OSTF1: variants seen among roughly 807,000 people sequenced by gnomAD.
OSTF1 encodes osteoclast stimulating factor 1.
In OSTF1, 27 loss-of-function variants were observed where a neutral mutation model predicts 37.2. The observed-to-expected ratio is 0.73, with a 90% CI of 0.54 to 1.00. The LOEUF (loss-of-function observed/expected upper bound fraction) is 1.00, where lower values mean the gene tolerates loss of function less well. OSTF1 is among the 50% of genes least tolerant of loss of function. The pLI, the probability that OSTF1 is intolerant of heterozygous loss-of-function variation, is 0.00. For missense variants in OSTF1, 232 were observed against 253.8 expected, an observed-to-expected ratio of 0.91 and a Z score of 0.58; for synonymous variants, 82 against 89.2, an observed-to-expected ratio of 0.92 and a Z score of 0.46.
At chr9:75,094,617 T>TA (rs1215493290) in intron 1 of OSTF1, among the ~76,000 whole-genome samples, 5 of 151,930 alleles carry the variant, frequency 3.3e-5, no homozygotes, top group Non-Finnish European at 7.4e-5. Flanking sequence ...ACAGAACCCA[T>TA]TGCCAAAGTT....
intron 1 of OSTF1, 74 bp from the exon 2 acceptor site, chr9:75,117,430 A>G (rs1564160872): frequency 2.0e-6 from 2 of 977,942 alleles, no homozygotes; most frequent in East Asian, 2.4e-5. Flanking sequence ...ATTCTGAAGG[A>G]TATAATGGAT....
intron 3 of OSTF1, among the ~76,000 whole-genome samples, chr9:75,128,606 A>ATT (rs1554773675): frequency 1.0e-5 from 1 of 99,796 alleles, no homozygotes; most frequent in Non-Finnish European, 2.1e-5. Context: ...ATATATATAT[A>ATT]TTTTGTCCAT....
chr9:75,133,010 CA>C (rs367838784), intron 5 of OSTF1, among the ~76,000 whole-genome samples: 70 of 28,640 alleles, frequency 2.4e-3, no homozygotes, highest in African/African-American at 6.4e-3. Flanking sequence ...CACACACACA[CA>C]CCCCTATATA....
At position 75,139,190 on chromosome 9, in the gene OSTF1, G is replaced by A. The variant is rs1305571150; in HGVS notation, c.487+1574G>A. 2.0e-5 allele frequency among the ~76,000 whole-genome samples: 3 copies of A among 151,132 alleles called. No individual in the cohort carries two copies. The South Asian group carries it at 6.3e-4, about 32-fold the overall frequency. ...CCTGAATAGCTGAAATTACAAACGT[G>A]CACCACCACACATGGCTAATTTTTG... On this transcript the variant is annotated intron_variant, in intron 8 of 9. Transcript: ENST00000346234.
chr9:75,114,051 C>G (rs1477324215), intron 1 of OSTF1, among the ~76,000 whole-genome samples: 1 of 152,200 alleles, frequency 6.6e-6, no homozygotes, highest in East Asian at 1.9e-4. Flanking sequence ...GTTTTTGTCT[C>G]TCCATGCCTG....
chr9:75,102,096 G>T (rs745707224), intron 1 of OSTF1, among the ~76,000 whole-genome samples: 2 of 152,070 alleles, frequency 1.3e-5, no homozygotes, highest in Non-Finnish European at 2.9e-5. Context: ...CCCAAGTAGC[G>T]CACATTACTG....
rs749684710 is a variant in OSTF1, at chr9:75,140,895, T to G, written c.549T>G (p.Ala183=). 28 of 1,613,590 alleles carry G rather than the reference T, an allele frequency of 1.7e-5. No individual in the cohort carries two copies. Among genetic ancestry groups the G allele is most frequent in the Middle Eastern group, 1.6e-4 (1 of 6,078 alleles). Residue 183 remains alanine (A), a synonymous_variant, in exon 9 of 10, where the codon GCT becomes GCG. Coordinates refer to ENST00000346234, the MANE Select transcript of OSTF1 (RefSeq NM_012383.5). The part of the protein sequence containing the change: ...KKLAFDMATN[A]ACASLLKKKQ... ...TGGCCTTCGACATGGCTACCAATGC[T>G]GCCTGTGCATCTCTCCTGAAAAAGA...
At chr9:75,092,081 C>T (rs923474797) in intron 1 of OSTF1, among the ~76,000 whole-genome samples, 2 of 152,132 alleles carry the variant, frequency 1.3e-5, no homozygotes, top group Non-Finnish European at 2.9e-5. Context: ...ATTCAGTAGA[C>T]AATACTAAAA....
At chr9:75,122,005 C>T (rs1294588457) in intron 2 of OSTF1, among the ~76,000 whole-genome samples, 2 of 152,218 alleles carry the variant, frequency 1.3e-5, no homozygotes, top group Non-Finnish European at 1.5e-5. Flanking sequence ...TTCTTCCTGC[C>T]AACCCATTTC....
chr9:75,127,746 A>C, intron 3 of OSTF1, 127 bp downstream of exon 3: 1 of 539,070 alleles, frequency 1.9e-6, no homozygotes, highest in Non-Finnish European at 3.3e-6. Flanking sequence ...TTTTAGCACA[A>C]TTGATAGTAG....
At position 75,110,655 on chromosome 9, in the gene OSTF1, A is replaced by G. The variant is rs531392099; in HGVS notation, c.35-6849A>G. Among the ~76,000 whole-genome samples the G allele has an allele frequency of 8.5e-5, 13 of 152,144 alleles. No homozygotes were observed. In the South Asian group the frequency reaches 2.7e-3, roughly 32 times the overall value. ...CCAGGGGCTGATATTTTAAATAGTC[A>G]TTCCTCTTGCTGTTTATCGTATATC... On this transcript the variant is annotated intron_variant, in intron 1 of 9. Transcript: ENST00000346234.
chr9:75,133,664 A>G (rs1178433167), intron 6 of OSTF1, among the ~76,000 whole-genome samples: 1 of 152,178 alleles, frequency 6.6e-6, no homozygotes, highest in African/African-American at 2.4e-5. Flanking sequence ...TTACTGGAAA[A>G]CAGCAGTAAT....
At chr9:75,124,020 C>T (rs1328987899) in intron 2 of OSTF1, among the ~76,000 whole-genome samples, 2 of 152,134 alleles carry the variant, frequency 1.3e-5, no homozygotes, top group African/African-American at 4.8e-5. Context: ...TTTCCCAAAC[C>T]ACAGAGGACG....
At chr9:75,118,374 G>C (rs1280166530) in intron 2 of OSTF1, among the ~76,000 whole-genome samples, 5 of 152,140 alleles carry the variant, frequency 3.3e-5, no homozygotes, top group Non-Finnish European at 5.9e-5. Context: ...GCAAACATGG[G>C]AGAGGGTAGT....
intron 1 of OSTF1, among the ~76,000 whole-genome samples, chr9:75,096,357 T>C (rs1028196409): frequency 4.6e-5 from 7 of 152,250 alleles, no homozygotes; most frequent in Non-Finnish European, 8.8e-5. Context: ...TAAAAGTCTT[T>C]AGCATCCCTT....
At chr9:75,088,757 T>C (rs1824863783) in intron 1 of OSTF1, 31 bp downstream of exon 1, 3 of 1,590,038 alleles carry the variant, frequency 1.9e-6, no homozygotes, top group Non-Finnish European at 2.6e-6. Context: ...GCTTGCCAGG[T>C]CCTGCGACCG....
intron 1 of OSTF1, among the ~76,000 whole-genome samples, chr9:75,105,339 C>G (rs148677076): frequency 2.6e-5 from 4 of 152,292 alleles, no homozygotes; most frequent in Admixed American, 6.5e-5. Context: ...ATACTTTAGG[C>G]TTCGTAGGCC....
intron 5 of OSTF1, among the ~76,000 whole-genome samples, chr9:75,132,426 G>A (rs1337135652): frequency 6.6e-6 from 1 of 152,174 alleles, no homozygotes; most frequent in Admixed American, 6.5e-5. Context: ...AACCCCGAGG[G>A]TATTTGGCAA....
rs369740128 is a variant in OSTF1, at chr9:75,131,719, C to A, written c.197-51C>A. ...TGGTGAATGAGTGGCTTCAGTAAAT[C>A]ATTTGTGTGGCAATTCCACATTGGG... On this transcript the variant is annotated intron_variant, in intron 4 of 9. Transcript: ENST00000346234. 4.6e-5 allele frequency: 65 copies of A among 1,412,872 alleles called. No homozygotes were observed. In the African/African-American group the frequency reaches 8.6e-4, roughly 19 times the overall value. 87.5% of individuals were successfully genotyped at this position (1,412,872 alleles called of 1,614,324 possible).
Sources: gnomAD v4.1 joint callset for allele counts (sites outside exome capture counted in the v4.1 genomes callset) on GRCh38, gnomAD v4.1.1 for gene constraint, MANE v1.5 for transcripts, NCBI Gene and HGNC (gene_info 2026-07-23, HGNC 2026-07-21) for gene names.